Variants in PTK2 observed in about 807,000 individuals in gnomAD.
PTK2 encodes protein tyrosine kinase 2.
PTK2 carries 45 observed loss-of-function variants against 150.1 expected under a neutral mutation model. The observed-to-expected ratio is 0.30, with a 90% confidence interval of 0.24 to 0.38. The LOEUF is 0.38. Ranked by LOEUF, PTK2 falls within the 10% of genes least tolerant of loss-of-function variation. PTK2 has a pLI of 1.00. For synonymous variants in PTK2, 432 were observed against 449.2 expected (o/e 0.96, Z 0.48); for missense variants, 919 against 1,307.3 (o/e 0.70, Z 4.58).
At chr8:140,669,301 G>GTATGTGTATATATA (rs547959878) in intron 29 of PTK2, 33 of 97,990 alleles carry the variant, frequency 3.4e-4, no homozygotes, top group African/African-American at 1.5e-3. Context: ...GCATAAAATG[G>GTATGTGTATATATA]TATATATATA....
intron 17 of PTK2, among the ~76,000 whole-genome samples, chr8:140,748,496 CAAAAAAAA>C (rs61423469): frequency 9.0e-6 from 1 of 111,588 alleles, no homozygotes; most frequent in Non-Finnish European, 1.9e-5. Context: ...GACTCTGTCT[CAAAAAAAA>C]AAAAAAAAAA....
intron 1 of PTK2, among the ~76,000 whole-genome samples, chr8:140,980,387 G>C (rs2100190977): frequency 6.6e-6 from 1 of 152,200 alleles, no homozygotes; most frequent in Non-Finnish European, 1.5e-5. Flanking sequence ...GGAGGCCGAA[G>C]CAGGCGGATT....
chr8:140,858,157 G>A (rs1476495536), intron 5 of PTK2, among the ~76,000 whole-genome samples: 1 of 152,144 alleles, frequency 6.6e-6, no homozygotes, highest in African/African-American at 2.4e-5. Context: ...GGTCACGGTT[G>A]AGGAGAGCTG....
At chr8:140,800,924 T>C (rs1441255505) in intron 11 of PTK2, among the ~76,000 whole-genome samples, 3 of 152,210 alleles carry the variant, frequency 2.0e-5, no homozygotes, top group African/African-American at 4.8e-5. Context: ...AAGTATGACT[T>C]CTATCAGAAA....
rs184560965 is a variant in PTK2, at chr8:140,695,680, G to A, written c.2499+5211C>T. Among the ~76,000 whole-genome samples the A allele has an allele frequency of 5.3e-5, 8 of 152,236 alleles. No individual in the cohort carries two copies. In the East Asian group the frequency reaches 1.2e-3, roughly 22 times the overall value. On this transcript the variant is annotated intron_variant, in intron 26 of 31. Transcript: ENST00000522684. ...GCCTCCCAAAGTACTGGGATTACAG[G>A]CATGAGCCACAGTGCCCAGCCCTAA...
intron 4 of PTK2, among the ~76,000 whole-genome samples, chr8:140,877,291 C>G (rs1409703639): frequency 1.3e-5 from 2 of 152,168 alleles, no homozygotes; most frequent in African/African-American, 4.8e-5. Flanking sequence ...GCCTCAGCCT[C>G]TCAAAGTGCT....
chr8:140,805,772 C>T (rs1454748954), intron 10 of PTK2, among the ~76,000 whole-genome samples: 1 of 152,102 alleles, frequency 6.6e-6, no homozygotes, highest in Non-Finnish European at 1.5e-5. Context: ...GCTTAGAGTC[C>T]TGCCATTTTT....
At chr8:140,920,981 AT>A (rs1426839870) in intron 2 of PTK2, 10 of 1,325,806 alleles carry the variant, frequency 7.5e-6, no homozygotes, top group Non-Finnish European at 9.6e-6. Flanking sequence ...CTGTGATAGT[AT>A]TTGCTTCGAT....
At chr8:140,895,999 T>C (rs973866491) in intron 2 of PTK2, among the ~76,000 whole-genome samples, 2 of 151,892 alleles carry the variant, frequency 1.3e-5, no homozygotes, top group Non-Finnish European at 2.9e-5. Context: ...CAAGAAAAAC[T>C]AGCAACATCA....
At chr8:140,891,890 T>C (rs2100154377) in intron 2 of PTK2, among the ~76,000 whole-genome samples, 1 of 152,174 alleles carries the variant, frequency 6.6e-6, no homozygotes, top group Non-Finnish European at 1.5e-5. Context: ...TTTGTAAACC[T>C]GGAGTACAAT....
At chr8:140,816,819 C>T (rs555888809) in intron 10 of PTK2, among the ~76,000 whole-genome samples, 93 of 152,246 alleles carry the variant, frequency 6.1e-4, no homozygotes, top group African/African-American at 2.1e-3. Flanking sequence ...CCAATGAGTG[C>T]GAAAATAGTA....
intron 1 of PTK2, among the ~76,000 whole-genome samples, chr8:140,962,749 C>G (rs2100183791): frequency 6.6e-6 from 1 of 151,910 alleles, no homozygotes; most frequent in Admixed American, 6.6e-5. Flanking sequence ...CCACTGCACC[C>G]CAGCCTGGGT....
chr8:140,833,139 G>C lies in PTK2; in HGVS notation c.594-2613C>G, dbSNP rs1255838143. On this transcript the variant is annotated intron_variant, in intron 7 of 31. Coordinates refer to ENST00000522684, the Ensembl canonical transcript of PTK2. The stretch of plus-strand genomic sequence containing the variant: ...TTTTGAAAATAAAGACGAATACTAG[G>C]TATTGCTTTTACTTCAAAGGTGAAG... 5 of 486,098 alleles carry C rather than the reference G, an allele frequency of 1.0e-5. No homozygotes were observed. In the Admixed American group the frequency reaches 1.1e-4, roughly 11 times the overall value. 30.1% of individuals were successfully genotyped at this position (486,098 alleles called of 1,614,324 possible).
intron 2 of PTK2, among the ~76,000 whole-genome samples, chr8:140,913,446 C>T (rs1418535769): frequency 1.3e-5 from 2 of 151,952 alleles, no homozygotes; most frequent in East Asian, 3.9e-4. Flanking sequence ...CAAGTACACG[C>T]CACTACACCC....
At chr8:140,712,526 T>C (rs916708522) in intron 23 of PTK2, among the ~76,000 whole-genome samples, 1 of 152,110 alleles carries the variant, frequency 6.6e-6, no homozygotes, top group Non-Finnish European at 1.5e-5. Context: ...AATGGTATCA[T>C]CTGTTACATT....
intron 1 of PTK2, among the ~76,000 whole-genome samples, chr8:140,986,394 A>G (rs1484548704): frequency 6.6e-6 from 1 of 152,252 alleles, no homozygotes; most frequent in African/African-American, 2.4e-5. Context: ...CTAAAAGAAA[A>G]TATGGACAGA....
intron 17 of PTK2, chr8:140,751,839 G>C: frequency 2.0e-6 from 1 of 495,020 alleles, no homozygotes; most frequent in Non-Finnish European, 4.0e-6. Context: ...AATGGTCATA[G>C]AGCCCTATTC....
chr8:140,914,643 A>T (rs1452849707), intron 2 of PTK2, among the ~76,000 whole-genome samples: 1 of 151,878 alleles, frequency 6.6e-6, no homozygotes, highest in African/African-American at 2.4e-5. Context: ...TGTTTTTTTA[A>T]TTTCCACAAA....
chr8:140,786,045 C>T (rs1021269438), intron 14 of PTK2, among the ~76,000 whole-genome samples: 1 of 152,074 alleles, frequency 6.6e-6, no homozygotes, highest in Non-Finnish European at 1.5e-5. Flanking sequence ...AAGGGAGGGA[C>T]GTGGCTTTGT....
Sources: gnomAD v4.1 joint callset for allele counts (sites outside exome capture counted in the v4.1 genomes callset) on GRCh38, gnomAD v4.1.1 for gene constraint, MANE v1.5 for transcripts, NCBI Gene and HGNC (gene_info 2026-07-23, HGNC 2026-07-21) for gene names.